The following SFRP1 variants were observed in gnomAD, a reference collection of about 807,000 sequenced individuals.
SFRP1 encodes the protein secreted frizzled-related protein 1.
A neutral mutation model predicts 25.9 loss-of-function variants in SFRP1; 9 were observed. That is an observed-to-expected ratio of 0.35 (90% CI 0.21 to 0.61). The LOEUF is 0.61. Among genes scored for constraint, SFRP1 ranks in the 20% least tolerant of loss-of-function variants. The pLI, the probability that SFRP1 is intolerant of heterozygous loss-of-function variation, is 0.78. For missense variants in SFRP1, 346 were observed against 418.2 expected (o/e 0.83, Z 1.51); for synonymous variants, 178 against 174.0 (o/e 1.02, Z -0.18).
chr8:41,301,504 A>G (rs887110749), intron 2 of SFRP1, among the ~76,000 whole-genome samples: 1 of 152,248 alleles, frequency 6.6e-6, no homozygotes, highest in Admixed American at 6.5e-5. Context: ...AAAAACAAAA[A>G]GGTTTCTCCT....
chr8:41,289,896 T>C (rs1422302840), intron 2 of SFRP1, among the ~76,000 whole-genome samples: 1 of 152,218 alleles, frequency 6.6e-6, no homozygotes, highest in Non-Finnish European at 1.5e-5. Context: ...CTCTAGACAG[T>C]GTCTCTCTCA....
At chr8:41,298,096 G>A (rs542364411) in intron 2 of SFRP1, 12 of 152,310 alleles carry the variant, frequency 7.9e-5, no homozygotes, top group Admixed American at 7.8e-4. Context: ...TGAGGGCACG[G>A]ACTGGCTGAT....
At chr8:41,266,029 G>C (rs1346009188) in intron 2 of SFRP1, among the ~76,000 whole-genome samples, 2 of 152,110 alleles carry the variant, frequency 1.3e-5, no homozygotes, top group African/African-American at 4.8e-5. Context: ...AGCCACACAT[G>C]GTGGCAGGCG....
At chr8:41,286,614 C>T (rs952786938) in intron 2 of SFRP1, among the ~76,000 whole-genome samples, 13 of 152,144 alleles carry the variant, frequency 8.5e-5, no homozygotes, top group African/African-American at 2.2e-4. Context: ...TGCTCCAGGC[C>T]ATCTGGCCTT....
At chr8:41,298,554 A>G (rs1343166483) in intron 2 of SFRP1, among the ~76,000 whole-genome samples, 1 of 152,106 alleles carries the variant, frequency 6.6e-6, no homozygotes, top group African/African-American at 2.4e-5. Flanking sequence ...CTACAGGTGC[A>G]TGACACCATG....
chr8:41,302,803 A>G (rs1216138602), intron 2 of SFRP1, among the ~76,000 whole-genome samples: 1 of 133,254 alleles, frequency 7.5e-6, no homozygotes, highest in Non-Finnish European at 1.6e-5. Flanking sequence ...CCTGGCCCCC[A>G]CCAGCTCCTC....
At chr8:41,274,020 GT>G (rs781603377) in intron 2 of SFRP1, among the ~76,000 whole-genome samples, 32 of 152,314 alleles carry the variant, frequency 2.1e-4, no homozygotes, top group Non-Finnish European at 4.0e-4. Context: ...CAGACTCCAT[GT>G]TTTTCGGCTC....
intron 2 of SFRP1, among the ~76,000 whole-genome samples, chr8:41,299,465 C>A (rs1803884597): frequency 7.1e-6 from 1 of 140,932 alleles, no homozygotes; most frequent in Non-Finnish European, 1.5e-5. Context: ...ACACAAGTTG[C>A]CGACATCCAC....
chr8:41,286,439 T>C (rs1803702797), intron 2 of SFRP1, among the ~76,000 whole-genome samples: 1 of 150,938 alleles, frequency 6.6e-6, no homozygotes, highest in Admixed American at 6.6e-5. Flanking sequence ...ACCAGGAAAA[T>C]CAACACCAAG....
chr8:41,288,055 A>T (rs901727627), intron 2 of SFRP1, among the ~76,000 whole-genome samples: 2 of 51,674 alleles, frequency 3.9e-5, no homozygotes, highest in African/African-American at 6.4e-5. Context: ...CCGTTTCTAT[A>T]AAAAAAAAAA....
At chr8:41,276,890 C>G in intron 2 of SFRP1, 1 of 456,176 alleles carries the variant, frequency 2.2e-6, no homozygotes, top group South Asian at 1.5e-5. Flanking sequence ...CCAGTACTCA[C>G]ATATGAACGC....
intron 1 of SFRP1, chr8:41,307,016 C>G (rs1052406835): frequency 8.3e-6 from 12 of 1,443,964 alleles, no homozygotes; most frequent in African/African-American, 1.4e-5. Flanking sequence ...AAGAGACCAT[C>G]GGAAGCCATT....
At position 41,265,119 on chromosome 8, in the gene SFRP1, C is replaced by A. The variant is rs370353880; in HGVS notation, c.*48G>T. ...CGGGTTCCCGGGGCACTGTCCCCCC[C>A]GCTCCCACCCCACCCGAGGCTCCCT... On this transcript the variant is annotated 3_prime_UTR_variant, in exon 3 of 3. Transcript: ENST00000220772. 5.8e-5 allele frequency: 27 copies of A among 465,246 alleles called. No homozygotes were observed. Among genetic ancestry groups the A allele is most frequent in the Non-Finnish European group, 8.7e-5 (21 of 242,092 alleles). 28.8% of individuals were successfully genotyped at this position (465,246 alleles called of 1,614,324 possible).
At chr8:41,269,683 TA>T (rs2117480230) in intron 2 of SFRP1, among the ~76,000 whole-genome samples, 1 of 152,290 alleles carries the variant, frequency 6.6e-6, no homozygotes, top group African/African-American at 2.4e-5. Context: ...CGAGACATCC[TA>T]CCCATGACTT....
At chr8:41,305,281 C>T (rs79465702) in intron 1 of SFRP1, among the ~76,000 whole-genome samples, 5,796 of 152,262 alleles carry the variant, frequency 0.038, 312 homozygotes, top group East Asian at 0.24. Context: ...CATCTCTGCC[C>T]GCTCCACACA....
chr8:41,300,086 C>T (rs933082606), intron 2 of SFRP1, among the ~76,000 whole-genome samples: 8 of 152,266 alleles, frequency 5.3e-5, no homozygotes, highest in Admixed American at 3.9e-4. Flanking sequence ...TCAAACTGCC[C>T]GTCAGAGTAA....
chr8:41,302,449 G>C (rs1803934818), intron 2 of SFRP1, among the ~76,000 whole-genome samples: 1 of 152,176 alleles, frequency 6.6e-6, no homozygotes, highest in South Asian at 2.1e-4. Context: ...ACATGGACTG[G>C]GATGCCTCCG....
At chr8:41,308,555 C>T in intron 1 of SFRP1, 61 bp downstream of exon 1, 1 of 1,386,602 alleles carries the variant, frequency 7.2e-7, no homozygotes. Context: ...GCGGGTTCTC[C>T]TGCAGCTCCG....
At chr8:41,299,209 G>A (rs1462014405) in intron 2 of SFRP1, among the ~76,000 whole-genome samples, 3 of 151,344 alleles carry the variant, frequency 2.0e-5, no homozygotes, top group Admixed American at 6.6e-5. Context: ...AGGTTTTTAC[G>A]CACATAAAAT....
Sources: gnomAD v4.1 joint callset for allele counts (sites outside exome capture counted in the v4.1 genomes callset) on GRCh38, gnomAD v4.1.1 for gene constraint, MANE v1.5 for transcripts, NCBI Gene and HGNC (gene_info 2026-07-23, HGNC 2026-07-21) for gene names.